CDC14B: variants seen among roughly 807,000 people sequenced by gnomAD.
CDC14B encodes dual specificity protein phosphatase CDC14B.
In CDC14B, 22 loss-of-function variants were observed where a neutral mutation model predicts 64.2. The observed-to-expected ratio is 0.34, with a 90% CI of 0.24 to 0.49. CDC14B has a LOEUF of 0.49. Among genes scored for constraint, CDC14B ranks in the 20% least tolerant of loss-of-function variants. The probability of loss-of-function intolerance (pLI) is 0.99; values close to 1 mark genes in which losing one functional copy is unlikely to be tolerated. For missense variants in CDC14B, 498 were observed against 629.9 expected (o/e 0.79, Z 2.24); for synonymous variants, 191 against 215.8 (o/e 0.89, Z 1.01).
chr9:96,507,353 G>C (rs975382174), intron 13 of CDC14B, among the ~76,000 whole-genome samples: 1 of 144,014 alleles, frequency 6.9e-6, no homozygotes, highest in Admixed American at 6.9e-5. Context: ...TACCTAAAAA[G>C]AATATGCCCC....
intron 1 of CDC14B, among the ~76,000 whole-genome samples, chr9:96,568,001 T>C (rs1157742088): frequency 6.6e-6 from 1 of 152,222 alleles, no homozygotes; most frequent in Non-Finnish European, 1.5e-5. Context: ...CCTATGTTTG[T>C]ATTTTAATCT....
At position 96,504,261 on chromosome 9, in the gene CDC14B, G is replaced by A. The variant is rs16911011; in HGVS notation, c.1461-472C>T. 5.9e-5 allele frequency among the ~76,000 whole-genome samples: 9 copies of A among 152,028 alleles called. 1 individual carries two copies. In the East Asian group the frequency reaches 9.7e-4, roughly 16 times the overall value. ...ACAGAAAAAGCTCTGGCACCTAAGC[G>A]GCTTCCAGCTCCACCGAGCACAGGA... On this transcript the variant is annotated intron_variant, in intron 13 of 13. Coordinates refer to ENST00000375241, the MANE Select transcript of CDC14B (RefSeq NM_033331.4).
In CDC14B at chr9:96,551,757, T is replaced by C. The variant is rs367833364; in HGVS notation, c.497+39A>G. The C allele has an allele frequency of 3.8e-6, 6 of 1,593,980 alleles. No individual in the cohort carries two copies. In the African/African-American group the frequency reaches 8.1e-5, roughly 22 times the overall value. On this transcript the variant is annotated intron_variant, in intron 5 of 13. Coordinates refer to ENST00000375241, the MANE Select transcript of CDC14B (RefSeq NM_033331.4). ...ACTATCAAGATATTTCTGGCAAGGA[T>C]CTGATTACCTGAATCTACCACATCA...
rs542702497 is a variant in CDC14B at position 96,586,026 on chromosome 9, A to G, written c.161-20543T>C. The stretch of plus-strand genomic sequence containing the variant: ...GAGCAGGTAAAACTAATCTATAGTG[A>G]CAGAAACCAGACAGCAGATGCTTGG... On this transcript the variant is annotated intron_variant, in intron 1 of 13. Coordinates refer to ENST00000375241, the MANE Select transcript of CDC14B (RefSeq NM_033331.4). Among the ~76,000 whole-genome samples the G allele has an allele frequency of 5.9e-5, 9 of 152,348 alleles. No individual in the cohort carries two copies. The East Asian group carries it at 1.5e-3, about 26-fold the overall frequency.
At chr9:96,562,274 T>A (rs17840742) in intron 4 of CDC14B, among the ~76,000 whole-genome samples, 320 of 152,220 alleles carry the variant, frequency 2.1e-3, no homozygotes, top group African/African-American at 7.5e-3. Context: ...AAGCACTTTT[T>A]AAAAAAATTT....
At chr9:96,546,805 G>A (rs1192104458) in intron 5 of CDC14B, among the ~76,000 whole-genome samples, 1 of 151,872 alleles carries the variant, frequency 6.6e-6, no homozygotes, top group African/African-American at 2.4e-5. Flanking sequence ...GCTCATGCCT[G>A]TAATCCCAGC....
chr9:96,605,126 T>C (rs1039288658), intron 1 of CDC14B, among the ~76,000 whole-genome samples: 2 of 151,892 alleles, frequency 1.3e-5, no homozygotes, highest in African/African-American at 2.4e-5. Flanking sequence ...TTAAGGATAA[T>C]GGTTGAGAGG....
chr9:96,617,630 AATATATAGT>A (rs970012051), intron 1 of CDC14B, among the ~76,000 whole-genome samples: 2 of 152,170 alleles, frequency 1.3e-5, no homozygotes, highest in African/African-American at 2.4e-5. Flanking sequence ...TATGGTAGAG[AATATATAGT>A]ATATATAGTA....
intron 1 of CDC14B, among the ~76,000 whole-genome samples, chr9:96,608,240 C>T (rs1295573568): frequency 1.3e-5 from 2 of 152,160 alleles, no homozygotes; most frequent in South Asian, 2.1e-4. Context: ...GCTGTATGCC[C>T]TTTCAGTTAC....
chr9:96,542,617 T>C (rs1840223856), intron 5 of CDC14B, among the ~76,000 whole-genome samples: 2 of 152,004 alleles, frequency 1.3e-5, no homozygotes, highest in South Asian at 4.2e-4. Context: ...GTGTCCCCAG[T>C]AGCAAGGACC....
intron 1 of CDC14B, among the ~76,000 whole-genome samples, chr9:96,592,864 T>G (rs1564378698): frequency 6.6e-6 from 1 of 152,074 alleles, no homozygotes; most frequent in Non-Finnish European, 1.5e-5. Context: ...ACCTACAAGA[T>G]CAGAAAGGTT....
chr9:96,555,766 TG>T (rs1470523683), intron 4 of CDC14B, among the ~76,000 whole-genome samples: 6 of 152,196 alleles, frequency 3.9e-5, no homozygotes, highest in African/African-American at 1.4e-4. Flanking sequence ...TGCTTGAGAC[TG>T]GTGTGGTTTT....
intron 12 of CDC14B, among the ~76,000 whole-genome samples, chr9:96,512,407 A>G (rs912852885): frequency 2.6e-5 from 4 of 151,238 alleles, no homozygotes; most frequent in Admixed American, 2.6e-4. Context: ...AGCAGCCTCA[A>G]ATCCTGGGCT....
intron 1 of CDC14B, among the ~76,000 whole-genome samples, chr9:96,580,705 C>T (rs1296700999): frequency 6.6e-6 from 1 of 152,042 alleles, no homozygotes; most frequent in Non-Finnish European, 1.5e-5. Flanking sequence ...CAGGTGTTCA[C>T]TATAGCAGTG....
rs945366265 is a variant in CDC14B at position 96,613,470 on chromosome 9, C to T, written c.160+5749G>A. Reference sequence around the variant, plus strand: ...ACCTTCCATTCATGTCTGTGCCCAACTACTCTGTATGTCCACTTAAGGAGT... The same window carrying T: ...ACCTTCCATTCATGTCTGTGCCCAATTACTCTGTATGTCCACTTAAGGAGT... On this transcript the variant is annotated intron_variant, in intron 1 of 13. Transcript: ENST00000375241. Among the ~76,000 whole-genome samples the T allele has an allele frequency of 3.5e-4, 53 of 152,348 alleles. 1 individual carries two copies. Among genetic ancestry groups the T allele is most frequent in the African/African-American group, 1.3e-3 (52 of 41,582 alleles).
intron 1 of CDC14B, among the ~76,000 whole-genome samples, chr9:96,604,905 G>A (rs1205188369): frequency 6.6e-6 from 1 of 151,958 alleles, no homozygotes; most frequent in African/African-American, 2.4e-5. Flanking sequence ...CCTGACCTCA[G>A]GTGATCTACC....
chr9:96,606,627 T>C (rs1216982267), intron 1 of CDC14B, among the ~76,000 whole-genome samples: 1 of 150,860 alleles, frequency 6.6e-6, no homozygotes, highest in African/African-American at 2.4e-5. Flanking sequence ...AGTGCAATGG[T>C]GTGATCTCAG....
At chr9:96,592,036 C>T (rs1166384329) in intron 1 of CDC14B, among the ~76,000 whole-genome samples, 7 of 152,152 alleles carry the variant, frequency 4.6e-5, no homozygotes, top group Non-Finnish European at 7.4e-5. Flanking sequence ...TGAGCCACAG[C>T]GCCCGGCCTG....
chr9:96,547,869 A>C (rs1464851689), intron 5 of CDC14B, among the ~76,000 whole-genome samples: 3 of 151,696 alleles, frequency 2.0e-5, no homozygotes, highest in Admixed American at 6.6e-5. Context: ...TCTGTTGCCC[A>C]GGCTGGAGTG....
Sources: allele counts gnomAD v4.1 joint callset (sites outside exome capture counted in the v4.1 genomes callset), GRCh38; gene constraint gnomAD v4.1.1; transcripts MANE v1.5; gene names NCBI Gene and HGNC (gene_info 2026-07-23, HGNC 2026-07-21).